Variants in EVI5 observed in about 807,000 individuals in gnomAD.
The protein encoded by EVI5 is ecotropic viral integration site 5.
In EVI5, 73 loss-of-function variants were observed where a neutral mutation model predicts 112.0. That is an observed-to-expected ratio of 0.65 (90% CI 0.54 to 0.79). The LOEUF is 0.79. EVI5 is among the 30% of genes least tolerant of loss of function. The probability of loss-of-function intolerance (pLI) is 0.00; values close to 1 mark genes in which losing one functional copy is unlikely to be tolerated. For synonymous variants in EVI5, 305 were observed against 319.9 expected (o/e 0.95, Z 0.50); for missense variants, 900 against 968.8 (o/e 0.93, Z 0.94).
intron 18 of EVI5, among the ~76,000 whole-genome samples, chr1:92,575,257 G>A (rs1340892131): frequency 6.6e-6 from 1 of 152,096 alleles, no homozygotes; most frequent in African/African-American, 2.4e-5. Context: ...GTACATATGT[G>A]TGCACACACA....
chr1:92,683,370 A>G (rs1448390723), intron 9 of EVI5, among the ~76,000 whole-genome samples: 1 of 152,190 alleles, frequency 6.6e-6, no homozygotes, highest in Non-Finnish European at 1.5e-5. Flanking sequence ...TCGCATCATC[A>G]ACAAAAAGGA....
At chr1:92,736,961 C>T (rs61800525) in intron 1 of EVI5, among the ~76,000 whole-genome samples, 8,896 of 152,138 alleles carry the variant, frequency 0.058, 360 homozygotes, top group Middle Eastern at 0.1. Context: ...TTTAAAAATA[C>T]ATCCTACATG....
chr1:92,638,400 A>AT (rs34611623), intron 13 of EVI5, among the ~76,000 whole-genome samples: 30,192 of 151,908 alleles, frequency 0.2, 3,532 homozygotes, highest in Non-Finnish European at 0.26. Flanking sequence ...TATTATGTAA[A>AT]TTTTTTTGCC....
At chr1:92,714,799 C>A (rs1485388537) in intron 2 of EVI5, among the ~76,000 whole-genome samples, 1 of 152,096 alleles carries the variant, frequency 6.6e-6, no homozygotes, top group Admixed American at 6.5e-5. Context: ...AAATGTTGCC[C>A]AGGCTGGTCT....
intron 16 of EVI5, among the ~76,000 whole-genome samples, chr1:92,620,465 G>T (rs1356234234): frequency 7.0e-6 from 1 of 143,744 alleles, no homozygotes; most frequent in Non-Finnish European, 1.5e-5. Flanking sequence ...AAAAAACCCA[G>T]ATCTGGGTAT....
intron 10 of EVI5, among the ~76,000 whole-genome samples, chr1:92,667,382 T>G (rs1665113498): frequency 6.6e-6 from 1 of 152,124 alleles, no homozygotes; most frequent in Admixed American, 6.5e-5. Flanking sequence ...TACAAAGAAT[T>G]TATTAATTTT....
intron 19 of EVI5, among the ~76,000 whole-genome samples, chr1:92,547,811 T>C (rs1332299607): frequency 1.3e-5 from 2 of 152,284 alleles, no homozygotes; most frequent in Non-Finnish European, 2.9e-5. Flanking sequence ...AAGTTGAATC[T>C]CTGAATAGAC....
chr1:92,512,704 CAAAACTT>C lies in EVI5; in HGVS notation c.*945_*951del, dbSNP rs964446432. On this transcript the variant is annotated 3_prime_UTR_variant, in exon 20 of 20. Transcript: ENST00000684568. ...TGCACATAAAAGTTAAACATTAAAA[CAAAACTT>C]AAAACTCTCAAAACAGATAATCATG... is the stretch of plus-strand genomic sequence containing the variant. 9.9e-5 allele frequency: 15 copies of C among 151,722 alleles called. No individual in the cohort carries two copies. Among genetic ancestry groups the C allele is most frequent in the African/African-American group, 3.6e-4 (15 of 41,282 alleles). 9.4% of individuals were successfully genotyped at this position (151,722 alleles called of 1,614,324 possible).
At chr1:92,687,593 G>C (rs896103458) in intron 9 of EVI5, among the ~76,000 whole-genome samples, 2 of 152,188 alleles carry the variant, frequency 1.3e-5, no homozygotes, top group African/African-American at 2.4e-5. Flanking sequence ...TATCACCAGA[G>C]TGAACAGGCA....
intron 10 of EVI5, 82 bp downstream of exon 10, chr1:92,677,076 T>C: frequency 1.2e-6 from 1 of 837,730 alleles, no homozygotes; most frequent in South Asian, 1.6e-5. Context: ...TTTATGAATA[T>C]AAGAAGTACA....
chr1:92,601,073 A>G (rs1261106324), intron 18 of EVI5, among the ~76,000 whole-genome samples: 2 of 152,238 alleles, frequency 1.3e-5, no homozygotes, highest in East Asian at 3.8e-4. Flanking sequence ...AAACAAATGC[A>G]ATAAGCATGA....
At chr1:92,735,452 T>C (rs766251635) in intron 2 of EVI5, among the ~76,000 whole-genome samples, 17 of 151,876 alleles carry the variant, frequency 1.1e-4, no homozygotes, top group Non-Finnish European at 2.2e-4. Context: ...ATGTATCAAA[T>C]TGTACAGTTT....
At chr1:92,546,350 G>A (rs1665698064) in intron 19 of EVI5, among the ~76,000 whole-genome samples, 2 of 152,098 alleles carry the variant, frequency 1.3e-5, no homozygotes, top group Admixed American at 1.3e-4. Context: ...ATCACCTGTA[G>A]TATGACGGAG....
At chr1:92,736,281 G>A (rs748776008) in intron 2 of EVI5, 117 bp downstream of exon 2, 2 of 663,976 alleles carry the variant, frequency 3.0e-6, no homozygotes, top group Non-Finnish European at 5.2e-6. Context: ...GAACACTTCT[G>A]TAAATAACTT....
intron 9 of EVI5, among the ~76,000 whole-genome samples, chr1:92,687,037 T>G (rs1036122783): frequency 3.9e-5 from 6 of 152,208 alleles, no homozygotes; most frequent in Non-Finnish European, 7.3e-5. Flanking sequence ...TAGAAAAAAC[T>G]ACTTTAAAGT....
At chr1:92,626,192 C>T (rs1053087951) in intron 14 of EVI5, among the ~76,000 whole-genome samples, 2 of 152,162 alleles carry the variant, frequency 1.3e-5, no homozygotes, top group Non-Finnish European at 2.9e-5. Context: ...AACCTATACT[C>T]ATCACCAGTC....
rs533408017 is a variant in EVI5, at chr1:92,513,857, A to T, written c.2280T>A (p.Asp760Glu). 6.2e-7 allele frequency: 1 copy of T among 1,613,564 alleles called. No individual in the cohort carries two copies. The highest frequency in any genetic ancestry group is 1.3e-5 in the African/African-American group (1 of 74,952). Residue 760 changes from aspartate (D) to glutamate (E), a missense_variant, in exon 20 of 20, where the codon GAT becomes GAA. Coordinates refer to ENST00000684568, the MANE Select transcript of EVI5 (RefSeq NM_001350197.2). ...DDESFHSSDEDFIDNSLQETG... is the reference protein window; with the variant it reads ...DDESFHSSDEEFIDNSLQETG... ...TTTCCTGTAAGGAATTATCTATAAAATCTTCATCGGAGGAATGGAATGATT... is the reference window on the plus strand; with the variant it reads ...TTTCCTGTAAGGAATTATCTATAAATTCTTCATCGGAGGAATGGAATGATT...
intron 1 of EVI5, among the ~76,000 whole-genome samples, chr1:92,764,002 A>G (rs879801347): frequency 5.3e-5 from 8 of 152,148 alleles, no homozygotes; most frequent in Non-Finnish European, 1.0e-4. Flanking sequence ...AAACTAATCT[A>G]TGTTGGTTAC....
At chr1:92,644,288 T>C (rs553955368) in intron 13 of EVI5, among the ~76,000 whole-genome samples, 61 of 152,326 alleles carry the variant, frequency 4.0e-4, no homozygotes, top group Non-Finnish European at 6.5e-4. Context: ...CTGAGTCCAG[T>C]TGACAAGAAA....
Sources: allele counts gnomAD v4.1 joint callset (sites outside exome capture counted in the v4.1 genomes callset), GRCh38; gene constraint gnomAD v4.1.1; transcripts MANE v1.5; gene names NCBI Gene and HGNC (gene_info 2026-07-23, HGNC 2026-07-21).